COL15A1: variants seen among roughly 807,000 people sequenced by gnomAD.
COL15A1 encodes collagen type XV alpha 1 chain, also known as collagen alpha-1(XV) chain.
Under a neutral mutation model 165.9 loss-of-function variants are expected in COL15A1, and 111 were observed. The ratio of observed to expected loss-of-function variants is 0.67; its 90% CI spans 0.57 to 0.78. COL15A1 has a LOEUF of 0.78. COL15A1 is among the 30% of genes least tolerant of loss of function. COL15A1 has a pLI of 0.00. For synonymous variants in COL15A1, 659 were observed against 674.8 expected, an observed-to-expected ratio of 0.98 and a Z score of 0.36; for missense variants, 1,745 against 1,789.7, an observed-to-expected ratio of 0.98 and a Z score of 0.45.
chr9:98,989,536 G>C (rs1396766059), intron 5 of COL15A1, among the ~76,000 whole-genome samples: 1 of 152,198 alleles, frequency 6.6e-6, no homozygotes, highest in African/African-American at 2.4e-5. Context: ...GGAGCCTTGG[G>C]TAAAAAGCCT....
chr9:99,036,380 T>A lies in COL15A1; in HGVS notation c.2393T>A (p.Ile798Asn). The A allele has an allele frequency of 6.2e-7, 1 of 1,614,186 alleles. No homozygotes were observed. Among genetic ancestry groups the A allele is most frequent in the South Asian group, 1.1e-5 (1 of 91,084 alleles). Residue 798 changes from isoleucine to asparagine, a missense_variant, in exon 21 of 42, where the codon ATC becomes AAC. Transcript: ENST00000375001. ...PPGPRGPPGH[I>N]KVLSNSLINI... Reference sequence around the variant, plus strand: ...GGGCCGAGAGGGCCACCTGGGCACATCAAGGTCTTGTCTAATGTGAGTATC... The same window carrying A: ...GGGCCGAGAGGGCCACCTGGGCACAACAAGGTCTTGTCTAATGTGAGTATC...
chr9:99,021,848 C>T (rs1454386457), intron 12 of COL15A1, among the ~76,000 whole-genome samples: 1 of 152,212 alleles, frequency 6.6e-6, no homozygotes, highest in Admixed American at 6.5e-5. Context: ...GTGTGTGATG[C>T]GTGCTCATAC....
intron 2 of COL15A1, among the ~76,000 whole-genome samples, chr9:98,978,880 G>C (rs944447331): frequency 6.6e-6 from 1 of 151,904 alleles, no homozygotes; most frequent in East Asian, 1.9e-4. Flanking sequence ...CCACTGCCCC[G>C]TTTCTTGTGT....
chr9:98,990,294 AG>A (rs1257730441), intron 5 of COL15A1, among the ~76,000 whole-genome samples: 1 of 152,238 alleles, frequency 6.6e-6, no homozygotes, highest in African/African-American at 2.4e-5. Context: ...CTGGGGTAAC[AG>A]CATGAGTCTC....
At chr9:99,059,852 G>A (rs1564093066) in intron 35 of COL15A1, 37 bp from the exon 36 acceptor site, 3 of 1,610,450 alleles carry the variant, frequency 1.9e-6, no homozygotes, top group South Asian at 1.1e-5. Flanking sequence ...TTCAGAGTGT[G>A]GTTTTTGTGT....
chr9:98,965,161 C>T (rs532015180), intron 2 of COL15A1, among the ~76,000 whole-genome samples: 1 of 152,272 alleles, frequency 6.6e-6, no homozygotes, highest in African/African-American at 2.4e-5. Flanking sequence ...ACCCAACTGC[C>T]TAGGGCAGCA....
At chr9:99,020,960 T>G (rs573118336) in intron 12 of COL15A1, among the ~76,000 whole-genome samples, 43 of 152,336 alleles carry the variant, frequency 2.8e-4, no homozygotes, top group African/African-American at 9.4e-4. Flanking sequence ...CGGTGTGGGA[T>G]GACGTGAGGG....
chr9:99,051,812 G>A (rs2117890236), intron 30 of COL15A1, among the ~76,000 whole-genome samples: 1 of 152,276 alleles, frequency 6.6e-6, no homozygotes, highest in African/African-American at 2.4e-5. Flanking sequence ...GGAATCTGGG[G>A]AAAACTGGGA....
chr9:99,009,010 A>G (rs1050417948), intron 9 of COL15A1, among the ~76,000 whole-genome samples: 5 of 152,384 alleles, frequency 3.3e-5, no homozygotes, highest in Middle Eastern at 6.8e-3. Flanking sequence ...AAAAAGTTAT[A>G]AAAGGATTTT....
chr9:99,000,744 G>A (rs1838636073), intron 6 of COL15A1, 95 bp from the exon 7 acceptor site: 1 of 731,742 alleles, frequency 1.4e-6, no homozygotes, highest in Non-Finnish European at 2.5e-6. Flanking sequence ...CATGGTATCT[G>A]AACATCTTTC....
At position 99,059,194 on chromosome 9, in the gene COL15A1, G is replaced by C. The variant is rs114609748; in HGVS notation, c.3338-695G>C. ...GGAAAGAGGGCACTAACCTTGATCT[G>C]ATTTTTAAGGGCACTGTGACTCTTC... On this transcript the variant is annotated intron_variant, in intron 35 of 41. Transcript: ENST00000375001. Among the ~76,000 whole-genome samples, 374 of 152,274 alleles carry C rather than the reference G, an allele frequency of 2.5e-3. 5 individuals are homozygous for C. The highest frequency in any genetic ancestry group is 8.4e-3 in the African/African-American group (351 of 41,548).
chr9:99,053,210 G>T (rs1839619716), intron 31 of COL15A1, among the ~76,000 whole-genome samples: 1 of 152,202 alleles, frequency 6.6e-6, no homozygotes, highest in African/African-American at 2.4e-5. Context: ...TTTAAATAGA[G>T]GAAGGTCTTT....
rs1330101957 is a variant in COL15A1 at position 99,062,225 on chromosome 9, A to G, written c.3532-20A>G. ...AGTTTGTAATTGATCTTTCATTTCAATGTACTGTTTTTCTTAAAGCTGGGA... is the reference window on the plus strand; with the variant it reads ...AGTTTGTAATTGATCTTTCATTTCAGTGTACTGTTTTTCTTAAAGCTGGGA... On this transcript the variant is annotated intron_variant, in intron 37 of 41. Coordinates refer to ENST00000375001, the MANE Select transcript of COL15A1 (RefSeq NM_001855.5). 1.2e-6 allele frequency: 2 copies of G among 1,611,244 alleles called. No individual in the cohort carries two copies. The highest frequency in any genetic ancestry group is 1.7e-6 in the Non-Finnish European group (2 of 1,177,572).
chr9:99,032,838 G>A (rs531752322), intron 16 of COL15A1, among the ~76,000 whole-genome samples: 7 of 152,124 alleles, frequency 4.6e-5, no homozygotes, highest in African/African-American at 1.4e-4. Context: ...TCTGCATTTC[G>A]ACAGTTTTCT....
At chr9:99,000,357 A>G (rs1838627936) in intron 6 of COL15A1, among the ~76,000 whole-genome samples, 1 of 151,998 alleles carries the variant, frequency 6.6e-6, no homozygotes. Flanking sequence ...TATATTATGT[A>G]TGTCATAATC....
chr9:99,002,510 G>C (rs1447380092), intron 7 of COL15A1, among the ~76,000 whole-genome samples: 1 of 152,204 alleles, frequency 6.6e-6, no homozygotes. Context: ...ACAGCCTAGA[G>C]GTAGGAGATG....
intron 22 of COL15A1, among the ~76,000 whole-genome samples, chr9:99,039,963 C>G (rs1588528772): frequency 6.6e-6 from 1 of 152,192 alleles, no homozygotes; most frequent in East Asian, 1.9e-4. Flanking sequence ...TAGTGCTGCC[C>G]CAAGATTCCT....
chr9:98,953,813 C>T (rs1354672289), intron 2 of COL15A1, among the ~76,000 whole-genome samples: 2 of 152,202 alleles, frequency 1.3e-5, no homozygotes, highest in East Asian at 3.8e-4. Context: ...TGGGGCCCAG[C>T]TTAAAACACT....
At position 99,052,370 on chromosome 9, in the gene COL15A1, GC is replaced by G; in HGVS notation, c.2905-16del. On this transcript the variant is annotated splice_polypyrimidine_tract_variant and intron_variant, in intron 30 of 41. Transcript: ENST00000375001. ...GGCAGAGCTTGCAGTGCCTAACCTGGCCTTCCTCTCTTTCCAGGTTGATACT... is the reference window on the plus strand; with the variant it reads ...GGCAGAGCTTGCAGTGCCTAACCTGGCTTCCTCTCTTTCCAGGTTGATACT... The G allele has an allele frequency of 2.5e-6, 4 of 1,606,730 alleles. No individual in the cohort carries two copies. The highest frequency in any genetic ancestry group is 3.4e-6 in the Non-Finnish European group (4 of 1,173,280).
Sources: allele counts gnomAD v4.1 joint callset (sites outside exome capture counted in the v4.1 genomes callset), GRCh38; gene constraint gnomAD v4.1.1; transcripts MANE v1.5; gene names NCBI Gene and HGNC (gene_info 2026-07-23, HGNC 2026-07-21).